Variants in ANKRD30B observed in about 807,000 individuals in gnomAD.
ANKRD30B encodes ankyrin repeat domain 30B, also known as ankyrin repeat domain-containing protein 30B.
Under a neutral mutation model 202.2 loss-of-function variants are expected in ANKRD30B, and 144 were observed. The observed-to-expected ratio is 0.71, with a 90% CI of 0.62 to 0.82. ANKRD30B has a LOEUF of 0.82. Among genes scored for constraint, ANKRD30B ranks in the 40% least tolerant of loss-of-function variants. The pLI is 0.00. For missense variants in ANKRD30B, 1,487 were observed against 1,669.1 expected (o/e 0.89, Z 1.90); for synonymous variants, 508 against 561.3 (o/e 0.91, Z 1.34).
At chr18:14,800,293 G>C (rs9797429) in intron 22 of ANKRD30B, among the ~76,000 whole-genome samples, 141,578 of 147,098 alleles carry the variant, frequency 0.96, 68,352 homozygotes, top group Middle Eastern at 1. Flanking sequence ...AATTTGTTTT[G>C]ACGTCTTAAA....
chr18:14,907,424 T>A, the ANKRD30B span, among the ~76,000 whole-genome samples: 1 of 151,968 alleles, frequency 6.6e-6, no homozygotes, highest in Non-Finnish European at 1.5e-5. Context: ...GGGTCTGAGA[T>A]TGTGTTTGGT....
chr18:14,853,017 T>C (rs1292321698), intron 42 of ANKRD30B, among the ~76,000 whole-genome samples: 2 of 152,134 alleles, frequency 1.3e-5, no homozygotes, highest in Non-Finnish European at 2.9e-5. Context: ...AACCTCTCAA[T>C]TTTTTAAAGG....
the ANKRD30B span, among the ~76,000 whole-genome samples, chr18:14,938,860 G>A: frequency 6.6e-6 from 1 of 152,170 alleles, no homozygotes. Context: ...AAAAAAGGGA[G>A]TCTTAAAGAA....
chr18:14,847,648 T>C (rs1323636462), intron 39 of ANKRD30B, among the ~76,000 whole-genome samples: 2 of 150,988 alleles, frequency 1.3e-5, no homozygotes, highest in African/African-American at 4.9e-5. Context: ...TTCTTGATTT[T>C]TATTGTAGAA....
At chr18:14,889,655 C>G in the ANKRD30B span, among the ~76,000 whole-genome samples, 1 of 150,068 alleles carries the variant, frequency 6.7e-6, no homozygotes, top group African/African-American at 2.5e-5. Context: ...ATTGGGTGAA[C>G]TTTAACAAAA....
At chr18:14,798,199 G>A (rs1228052196) in intron 20 of ANKRD30B, among the ~76,000 whole-genome samples, 1 of 147,490 alleles carries the variant, frequency 6.8e-6, no homozygotes, top group Admixed American at 6.9e-5. Flanking sequence ...GTCGTCCCGT[G>A]GTGCCAACAA....
At chr18:14,853,149 C>T (rs2143282523) in intron 42 of ANKRD30B, among the ~76,000 whole-genome samples, 1 of 151,980 alleles carries the variant, frequency 6.6e-6, no homozygotes, top group Admixed American at 6.6e-5. Flanking sequence ...AAATCATTTG[C>T]TCATAATTTC....
chr18:14,791,455 C>A lies in ANKRD30B; in HGVS notation c.1789C>A (p.Gln597Lys), dbSNP rs754086462. The change falls in exon 16 of 44, where the codon CAA becomes AAA. Residue 597 changes from glutamine (Q) to lysine (K), a missense_variant. This residue lies in a region of ANKRD30B where 889 missense variants were observed against 841.4 expected (regional missense o/e 1.06). Transcript: ENST00000690538. Reference protein sequence around the residue: ...KDVYLPKATHQKEFDTLSGKL... With the variant: ...KDVYLPKATHKKEFDTLSGKL... ...TGTGTATTTACCCAAAGCTACACAT[C>A]AAAAAGAATTCGATACCTTAAGTGG... 1.2e-6 allele frequency: 2 copies of A among 1,610,442 alleles called. No individual in the cohort carries two copies. The highest frequency in any genetic ancestry group is 1.1e-5 in the South Asian group (1 of 90,476).
At chr18:14,792,110 G>C (rs980907655) in intron 16 of ANKRD30B, among the ~76,000 whole-genome samples, 3 of 152,304 alleles carry the variant, frequency 2.0e-5, no homozygotes, top group Non-Finnish European at 4.4e-5. Flanking sequence ...TAGACCATAA[G>C]TTTTCAAACT....
chr18:14,755,332 T>A (rs1914160642), intron 4 of ANKRD30B, among the ~76,000 whole-genome samples: 1 of 152,130 alleles, frequency 6.6e-6, no homozygotes, highest in Non-Finnish European at 1.5e-5. Flanking sequence ...TATAATTCAA[T>A]ATTGAATTAT....
At chr18:14,848,428 C>T (rs140127973) in intron 39 of ANKRD30B, among the ~76,000 whole-genome samples, 1,641 of 152,154 alleles carry the variant, frequency 0.011, 26 homozygotes, top group African/African-American at 0.037. Context: ...GGGAATTTTC[C>T]GTGGGCCTAG....
At chr18:14,762,346 G>A (rs527586896) in intron 6 of ANKRD30B, among the ~76,000 whole-genome samples, 14 of 152,208 alleles carry the variant, frequency 9.2e-5, no homozygotes, top group African/African-American at 2.6e-4. Flanking sequence ...TACTTTTCTG[G>A]CACCATAAAC....
the ANKRD30B span, among the ~76,000 whole-genome samples, chr18:14,914,588 G>A: frequency 6.6e-6 from 1 of 152,212 alleles, no homozygotes; most frequent in Non-Finnish European, 1.5e-5. Flanking sequence ...TGGAGACAGA[G>A]AGAAACGCAT....
At chr18:14,794,553 A>G (rs898046688) in intron 16 of ANKRD30B, among the ~76,000 whole-genome samples, 5 of 152,142 alleles carry the variant, frequency 3.3e-5, no homozygotes, top group Middle Eastern at 3.2e-3. Context: ...ATCATTTCCT[A>G]TATATGAATT....
chr18:14,922,870 C>T, the ANKRD30B span, among the ~76,000 whole-genome samples: 6 of 152,198 alleles, frequency 3.9e-5, no homozygotes, highest in Middle Eastern at 3.4e-3. Flanking sequence ...TCCTTCATTT[C>T]GCTTGACAAG....
At chr18:14,864,540 T>C in the ANKRD30B span, among the ~76,000 whole-genome samples, 1 of 151,842 alleles carries the variant, frequency 6.6e-6, no homozygotes, top group African/African-American at 2.4e-5. Flanking sequence ...TTCCCCACTG[T>C]CTTTTTGCAA....
chr18:14,905,012 A>C, the ANKRD30B span, among the ~76,000 whole-genome samples: 1 of 152,202 alleles, frequency 6.6e-6, no homozygotes, highest in African/African-American at 2.4e-5. Flanking sequence ...GAAGCTGGTC[A>C]AGACCCCCGA....
chr18:14,806,395 T>A (rs1969515785), intron 24 of ANKRD30B, among the ~76,000 whole-genome samples: 1 of 150,940 alleles, frequency 6.6e-6, no homozygotes, highest in South Asian at 2.1e-4. Context: ...GTAATTAAAA[T>A]GCAAGGATGC....
At chr18:14,923,417 G>A in the ANKRD30B span, among the ~76,000 whole-genome samples, 1 of 152,318 alleles carries the variant, frequency 6.6e-6, no homozygotes, top group Non-Finnish European at 1.5e-5. Flanking sequence ...AGGCTTCACT[G>A]CCTGTGGAAA....
Sources: gnomAD v4.1 joint callset for allele counts (sites outside exome capture counted in the v4.1 genomes callset) on GRCh38, gnomAD v4.1.1 for gene constraint, gnomAD v4.1.1 regional missense constraint, MANE v1.5 for transcripts, NCBI Gene and HGNC (gene_info 2026-07-23, HGNC 2026-07-21) for gene names.